Variants in GALNTL6 observed in about 807,000 individuals in gnomAD.
GALNTL6 encodes polypeptide N-acetylgalactosaminyltransferase-like 6.
A neutral mutation model predicts 73.7 loss-of-function variants in GALNTL6; 46 were observed. The ratio of observed to expected loss-of-function variants is 0.62; its 90% CI spans 0.49 to 0.80. The LOEUF is 0.80. GALNTL6 is among the 30% of genes least tolerant of loss of function. The probability of loss-of-function intolerance (pLI) is 0.00; values close to 1 mark genes in which losing one functional copy is unlikely to be tolerated. For missense variants in GALNTL6, 604 were observed against 755.0 expected, an observed-to-expected ratio of 0.80 and a Z score of 2.34; for synonymous variants, 259 against 263.7, an observed-to-expected ratio of 0.98 and a Z score of 0.17.
At chr4:172,563,338 G>A (rs1289831175) in intron 5 of GALNTL6, among the ~76,000 whole-genome samples, 1 of 142,748 alleles carries the variant, frequency 7.0e-6, no homozygotes, top group Non-Finnish European at 1.6e-5. Flanking sequence ...GCCACGATAT[G>A]AGGAGCCCAA....
intron 7 of GALNTL6, among the ~76,000 whole-genome samples, chr4:172,827,097 A>T (rs1579533810): frequency 6.6e-6 from 1 of 152,274 alleles, no homozygotes; most frequent in South Asian, 2.1e-4. Context: ...CACAGATGTC[A>T]TGTCTCCATC....
chr4:172,666,175 C>G (rs1731650243), intron 5 of GALNTL6, among the ~76,000 whole-genome samples: 1 of 152,074 alleles, frequency 6.6e-6, no homozygotes, highest in Non-Finnish European at 1.5e-5. Context: ...TTTTCTTGAG[C>G]TCTTTATTTT....
At chr4:172,198,252 A>G (rs1189564916) in intron 2 of GALNTL6, among the ~76,000 whole-genome samples, 1 of 152,044 alleles carries the variant, frequency 6.6e-6, no homozygotes, top group African/African-American at 2.4e-5. Context: ...GACAAATGGG[A>G]TCTAATTAAA....
chr4:172,093,849 G>A lies in GALNTL6; in HGVS notation c.139-135807G>A, dbSNP rs1231687688. ...GTATCACTGTCTCCCATCATCGTGA[G>A]ACTGTTTAGTTGCAGGAAAACAAGG... On this transcript the variant is annotated intron_variant, in intron 2 of 12. Transcript: ENST00000506823. 2.0e-5 allele frequency among the ~76,000 whole-genome samples: 3 copies of A among 152,166 alleles called. No homozygotes were observed. In the East Asian group the frequency reaches 5.8e-4, roughly 29 times the overall value.
chr4:172,460,994 A>T (rs535140522), intron 5 of GALNTL6, among the ~76,000 whole-genome samples: 22 of 152,098 alleles, frequency 1.4e-4, no homozygotes, highest in Middle Eastern at 3.4e-3. Context: ...TAGATTGGAT[A>T]AAAAAAATGT....
At chr4:172,138,608 C>G (rs1453798732) in intron 2 of GALNTL6, among the ~76,000 whole-genome samples, 1 of 137,526 alleles carries the variant, frequency 7.3e-6, no homozygotes, top group Non-Finnish European at 1.5e-5. Context: ...CGGCTCACTG[C>G]CAGCTCCACC....
intron 5 of GALNTL6, among the ~76,000 whole-genome samples, chr4:172,790,220 T>C (rs925519503): frequency 6.6e-6 from 1 of 152,228 alleles, no homozygotes; most frequent in Non-Finnish European, 1.5e-5. Context: ...GTGGTCCCCA[T>C]ATTCACAAAT....
At chr4:172,640,949 C>G (rs1739945262) in intron 5 of GALNTL6, among the ~76,000 whole-genome samples, 1 of 152,064 alleles carries the variant, frequency 6.6e-6, no homozygotes, top group South Asian at 2.1e-4. Flanking sequence ...AATCCACTCT[C>G]CCCACAGCCA....
At position 172,062,776 on chromosome 4, in the gene GALNTL6, A is replaced by G. The variant is rs150360335; in HGVS notation, c.139-166880A>G. Among the ~76,000 whole-genome samples the G allele has an allele frequency of 1.8e-4, 28 of 152,334 alleles. No homozygotes were observed. In the East Asian group the frequency reaches 3.3e-3, roughly 18 times the overall value. ...CAGTGATGTTGTACAGAGAGGGGAA[A>G]AATAGATGGCTGTTCTAGACCTCTG... On this transcript the variant is annotated intron_variant, in intron 2 of 12. Coordinates refer to ENST00000506823, the MANE Select transcript of GALNTL6 (RefSeq NM_001034845.3).
chr4:172,491,776 TGTTAAGGAAAAA>T (rs1192525645), intron 5 of GALNTL6, among the ~76,000 whole-genome samples: 2 of 152,074 alleles, frequency 1.3e-5, no homozygotes, highest in African/African-American at 4.8e-5. Context: ...ATCTTCAGAT[TGTTAAGGAAAAA>T]GTTCTATGTC....
At chr4:172,032,916 CTGAT>C (rs1741811637) in intron 2 of GALNTL6, among the ~76,000 whole-genome samples, 2 of 151,806 alleles carry the variant, frequency 1.3e-5, no homozygotes, top group Admixed American at 1.3e-4. Flanking sequence ...TCTTTATAAT[CTGAT>C]TGGAGAGATG....
intron 2 of GALNTL6, among the ~76,000 whole-genome samples, chr4:171,883,708 C>T (rs1376872209): frequency 1.3e-5 from 2 of 151,180 alleles, no homozygotes; most frequent in African/African-American, 4.9e-5. Context: ...ACTGCAGTGG[C>T]GCTATCTCAG....
At chr4:172,569,215 T>A (rs1468465075) in intron 5 of GALNTL6, among the ~76,000 whole-genome samples, 1 of 152,082 alleles carries the variant, frequency 6.6e-6, no homozygotes, top group African/African-American at 2.4e-5. Flanking sequence ...GCCAGCAGAT[T>A]TGGTTACTGG....
chr4:173,009,985 A>T (rs1752474157), intron 11 of GALNTL6, among the ~76,000 whole-genome samples: 1 of 152,244 alleles, frequency 6.6e-6, no homozygotes, highest in African/African-American at 2.4e-5. Context: ...TCAAGCATTT[A>T]TCCTTTGTGT....
intron 5 of GALNTL6, among the ~76,000 whole-genome samples, chr4:172,515,119 G>T (rs976292777): frequency 2.6e-5 from 4 of 152,358 alleles, no homozygotes; most frequent in African/African-American, 9.6e-5. Flanking sequence ...GCTATGAGAT[G>T]TAGATGTACA....
intron 3 of GALNTL6, among the ~76,000 whole-genome samples, chr4:172,289,564 A>G (rs1739388594): frequency 6.6e-6 from 1 of 152,202 alleles, no homozygotes; most frequent in South Asian, 2.1e-4. Context: ...CAGAACTGAG[A>G]TCTTTTCAAA....
At chr4:172,882,606 C>T (rs1745514528) in intron 7 of GALNTL6, among the ~76,000 whole-genome samples, 184 bp from the exon 8 acceptor site, 1 of 152,192 alleles carries the variant, frequency 6.6e-6, no homozygotes. Flanking sequence ...TCTCCCTCCC[C>T]ATCCATGTCC....
intron 2 of GALNTL6, among the ~76,000 whole-genome samples, chr4:172,085,595 C>T (rs914908614): frequency 2.0e-5 from 3 of 151,786 alleles, no homozygotes; most frequent in African/African-American, 4.8e-5. Flanking sequence ...TGAATAGCTA[C>T]TGGTTTAAGG....
chr4:172,292,038 A>G (rs1739494706), intron 3 of GALNTL6, among the ~76,000 whole-genome samples: 1 of 152,178 alleles, frequency 6.6e-6, no homozygotes, highest in African/African-American at 2.4e-5. Context: ...ACTCACTCAT[A>G]CATTCATTGT....
Sources: gnomAD v4.1 joint callset for allele counts (sites outside exome capture counted in the v4.1 genomes callset) on GRCh38, gnomAD v4.1.1 for gene constraint, MANE v1.5 for transcripts, NCBI Gene and HGNC (gene_info 2026-07-23, HGNC 2026-07-21) for gene names.